The following COLGALT2 variants were observed in gnomAD, a reference collection of about 807,000 sequenced individuals.
COLGALT2 encodes procollagen galactosyltransferase 2.
A neutral mutation model predicts 73.4 loss-of-function variants in COLGALT2; 49 were observed. That is an observed-to-expected ratio of 0.67 (90% CI 0.53 to 0.85). The LOEUF is 0.85. COLGALT2 is among the 40% of genes least tolerant of loss of function. COLGALT2 has a pLI of 0.00. For synonymous variants in COLGALT2, 295 were observed against 307.6 expected, an observed-to-expected ratio of 0.96 and a Z score of 0.43; for missense variants, 722 against 790.2, an observed-to-expected ratio of 0.91 and a Z score of 1.03.
chr1:183,931,840 T>C (rs1322852753), downstream of COLGALT2, among the ~76,000 whole-genome samples: 2 of 149,730 alleles, frequency 1.3e-5, no homozygotes, highest in Non-Finnish European at 3.0e-5. Context: ...ATTTAAGCTG[T>C]TTCTGAATTG....
intron 7 of COLGALT2, among the ~76,000 whole-genome samples, chr1:183,951,758 A>T (rs1243734954): frequency 6.6e-6 from 1 of 152,226 alleles, no homozygotes; most frequent in African/African-American, 2.4e-5. Flanking sequence ...TATTGCTAAA[A>T]TGTCCATACT....
chr1:184,016,277 T>C (rs188695383), intron 1 of COLGALT2, among the ~76,000 whole-genome samples: 96 of 152,328 alleles, frequency 6.3e-4, no homozygotes, highest in African/African-American at 2.3e-3. Context: ...CTAAGAATTG[T>C]CTAAGTCAAT....
chr1:183,989,832 A>G (rs998832693), intron 1 of COLGALT2, among the ~76,000 whole-genome samples: 3 of 152,202 alleles, frequency 2.0e-5, no homozygotes, highest in Non-Finnish European at 2.9e-5. Flanking sequence ...GGACAATAAC[A>G]TCTGCTGCAT....
In COLGALT2 at chr1:183,945,524, T is replaced by G; in HGVS notation, c.1177A>C (p.Met393Leu). 6.2e-7 allele frequency: 1 copy of G among 1,614,200 alleles called. No individual in the cohort carries two copies. The highest frequency in any genetic ancestry group is 1.6e-4 in the Middle Eastern group (1 of 6,062). ...TSQLKALNIE[M>L]LPGYRDPYSS... Reference sequence around the variant, plus strand: ...TAGGGATCTCGATAGCCAGGCAGCATTTCAATATTCAGTGCCTTCAGCTGG... The same window carrying G: ...TAGGGATCTCGATAGCCAGGCAGCAGTTCAATATTCAGTGCCTTCAGCTGG... Residue 393 changes from methionine to leucine, a missense_variant, in exon 9 of 12, where the codon ATG (methionine) becomes CTG (leucine). Physicochemically the swap from Met to Leu is conservative, Grantham distance 15 (BLOSUM62 2). Coordinates refer to ENST00000361927, the MANE Select transcript of COLGALT2 (RefSeq NM_015101.4).
At chr1:184,014,134 C>T (rs1002540656) in intron 1 of COLGALT2, among the ~76,000 whole-genome samples, 6 of 152,172 alleles carry the variant, frequency 3.9e-5, no homozygotes, top group African/African-American at 1.4e-4. Context: ...CATAGGCATA[C>T]ATTTGGTAAC....
chr1:183,975,236 A>C, intron 2 of COLGALT2, 22 bp from the exon 3 acceptor site: 312 of 1,463,040 alleles, frequency 2.1e-4, no homozygotes, highest in Non-Finnish European at 2.8e-4. Flanking sequence ...ATAATAGCTC[A>C]TCATTATTGA....
chr1:183,936,507 A>C lies in COLGALT2; in HGVS notation c.*2254T>G, dbSNP rs753093438. 7.9e-6 allele frequency: 8 copies of C among 1,013,448 alleles called. No individual in the cohort carries two copies. Among genetic ancestry groups the C allele is most frequent in the Non-Finnish European group, 8.2e-6 (7 of 848,706 alleles). The allele number at this position is 1,013,448 out of a possible 1,614,324, so 62.8% of individuals were successfully genotyped here. A position where few individuals can be genotyped will look rare whatever the true frequency, so the allele number is the denominator to read the frequency against. Reference sequence around the variant, plus strand: ...TGAGAGTTCTTAAATCTGTCAGACCAGCTGACAGGGGAACAGGAAAAAAAA... The same window carrying C: ...TGAGAGTTCTTAAATCTGTCAGACCCGCTGACAGGGGAACAGGAAAAAAAA... On this transcript the variant is annotated 3_prime_UTR_variant, in exon 12 of 12. Coordinates refer to ENST00000361927, the MANE Select transcript of COLGALT2 (RefSeq NM_015101.4).
At chr1:183,995,100 AC>A (rs796564863) in intron 1 of COLGALT2, among the ~76,000 whole-genome samples, 7 of 152,352 alleles carry the variant, frequency 4.6e-5, no homozygotes, top group African/African-American at 1.7e-4. Context: ...TAGAAAAAAA[AC>A]AAAGAGAAGA....
chr1:183,988,695 G>T (rs978545285), intron 1 of COLGALT2, among the ~76,000 whole-genome samples: 1 of 152,090 alleles, frequency 6.6e-6, no homozygotes, highest in Non-Finnish European at 1.5e-5. Flanking sequence ...GCTAAATAAT[G>T]TTCCATAGTA....
intron 11 of COLGALT2, among the ~76,000 whole-genome samples, chr1:183,939,525 C>T (rs1670052440): frequency 6.6e-6 from 1 of 152,198 alleles, no homozygotes; most frequent in Non-Finnish European, 1.5e-5. Context: ...ATGACTTGGC[C>T]TCCCTCTCAG....
chr1:184,036,992 C>T, intron 1 of COLGALT2, 103 bp downstream of exon 1: 1 of 1,029,612 alleles, frequency 9.7e-7, no homozygotes, highest in Non-Finnish European at 1.2e-6. Flanking sequence ...CCCCGCCCCT[C>T]CAGCGGCTCC....
chr1:183,981,506 A>G (rs1383701899), intron 1 of COLGALT2, among the ~76,000 whole-genome samples: 1 of 137,746 alleles, frequency 7.3e-6, no homozygotes, highest in Admixed American at 7.2e-5. Flanking sequence ...AAAAAAAAAC[A>G]TTAGCTGGGT....
In COLGALT2 at chr1:183,938,859, A is replaced by G. The variant is rs1313140204; in HGVS notation, c.1783T>C (p.Ser595Pro). 2 of 1,614,060 alleles carry G rather than the reference A, an allele frequency of 1.2e-6. No individual in the cohort carries two copies. Among genetic ancestry groups the G allele is most frequent in the East Asian group, 2.2e-5 (1 of 44,874 alleles). ...CTGTAGATGCGGCTTTGCTTCCGGG[A>G]CTTCCAGGCATGTGTCCTATCCCAG... ...TDWDRTHAWK[S>P]RKQSRIYSNA... The change falls in exon 12 of 12, where the codon TCC becomes CCC. Residue 595 changes from serine (S) to proline (P), a missense_variant. Ser to Pro is a moderately conservative substitution (Grantham distance 74, BLOSUM62 -1). Transcript: ENST00000361927.
chr1:183,979,745 T>G (rs188486316), intron 1 of COLGALT2, among the ~76,000 whole-genome samples: 243 of 152,118 alleles, frequency 1.6e-3, no homozygotes, highest in Non-Finnish European at 2.5e-3. Flanking sequence ...ATAAGAGATA[T>G]TAACATACCA....
At chr1:183,994,336 C>T (rs759332845) in intron 1 of COLGALT2, among the ~76,000 whole-genome samples, 2 of 151,956 alleles carry the variant, frequency 1.3e-5, no homozygotes, top group Non-Finnish European at 2.9e-5. Flanking sequence ...CCGCACCTGG[C>T]CTCTCCTTTA....
At chr1:183,933,187 T>C (rs973132829), downstream of COLGALT2, among the ~76,000 whole-genome samples, 7 of 152,148 alleles carry the variant, frequency 4.6e-5, no homozygotes, top group African/African-American at 1.7e-4. Flanking sequence ...ATTTTCCCCA[T>C]TGGTTCCCTC....
At chr1:183,962,589 C>T (rs924604139) in intron 6 of COLGALT2, among the ~76,000 whole-genome samples, 1 of 152,180 alleles carries the variant, frequency 6.6e-6, no homozygotes, top group Non-Finnish European at 1.5e-5. Flanking sequence ...CATCTACCTA[C>T]AATCAACTCT....
At chr1:184,031,548 AG>A (rs1407008465) in intron 1 of COLGALT2, among the ~76,000 whole-genome samples, 24 of 152,376 alleles carry the variant, frequency 1.6e-4, no homozygotes, top group Middle Eastern at 6.8e-3. Flanking sequence ...GTCAACCGAC[AG>A]AAGCAAAAAC....
chr1:183,931,623 G>C (rs192697909), downstream of COLGALT2, among the ~76,000 whole-genome samples: 1 of 152,178 alleles, frequency 6.6e-6, no homozygotes, highest in East Asian at 1.9e-4. Context: ...CCAGTTTTAA[G>C]ACCACCTGGA....
Sources: gnomAD v4.1 joint callset for allele counts (sites outside exome capture counted in the v4.1 genomes callset) on GRCh38, gnomAD v4.1.1 for gene constraint, MANE v1.5 for transcripts, NCBI Gene and HGNC (gene_info 2026-07-23, HGNC 2026-07-21) for gene names.